Variants in ADAMTSL1 observed in about 807,000 individuals in gnomAD.
The protein encoded by ADAMTSL1 is ADAMTS like 1.
A neutral mutation model predicts 201.8 loss-of-function variants in ADAMTSL1; 126 were observed. The ratio of observed to expected loss-of-function variants is 0.62; its 90% confidence interval spans 0.54 to 0.72. ADAMTSL1 has a LOEUF of 0.72. Ranked by LOEUF, ADAMTSL1 falls within the 30% of genes least tolerant of loss-of-function variation. ADAMTSL1 has a pLI of 0.00. For missense variants in ADAMTSL1, 2,679 were observed against 2,277.8 expected, an observed-to-expected ratio of 1.18 and a Z score of -3.59; for synonymous variants, 1,121 against 903.4, an observed-to-expected ratio of 1.24 and a Z score of -4.32.
At chr9:17,956,178 A>T in intron 1 of ADAMTSL1, among the ~76,000 whole-genome samples, 1 of 152,164 alleles carries the variant, frequency 6.6e-6, no homozygotes, top group Admixed American at 6.6e-5. Flanking sequence ...CTTACCTTGT[A>T]GTGCTTTTTG....
intron 17 of ADAMTSL1, among the ~76,000 whole-genome samples, chr9:18,771,330 T>C (rs1246752603): frequency 6.6e-6 from 1 of 152,240 alleles, no homozygotes; most frequent in African/African-American, 2.4e-5. Context: ...ATTTCCCTTG[T>C]TGTCCTGCAC....
Position 18,744,885 on chromosome 9 carries a change from G to A in ADAMTSL1, c.2007-8413G>A, listed in dbSNP as rs545379725. ...GTTACTTTGTAAAACGTCTCTCCAT[G>A]TGTGTTTGCTTGATGTTTTCTTGTG... On this transcript the variant is annotated intron_variant, in intron 15 of 28. Coordinates refer to ENST00000380548, the MANE Select transcript of ADAMTSL1 (RefSeq NM_001040272.6). 2.6e-4 allele frequency among the ~76,000 whole-genome samples: 39 copies of A among 152,266 alleles called. 1 individual carries two copies. In the South Asian group the frequency reaches 7.9e-3, roughly 31 times the overall value.
chr9:18,779,058 A>G (rs113497459), intron 19 of ADAMTSL1, among the ~76,000 whole-genome samples: 141 of 152,356 alleles, frequency 9.3e-4, no homozygotes, highest in African/African-American at 3.3e-3. Flanking sequence ...CACTATGCCA[A>G]GTTTATTTAT....
intron 2 of ADAMTSL1, among the ~76,000 whole-genome samples, chr9:18,191,307 C>A (rs1828958814): frequency 6.6e-6 from 1 of 152,166 alleles, no homozygotes; most frequent in African/African-American, 2.4e-5. Flanking sequence ...TGCTTCAGCA[C>A]TCCAGAGCTC....
chr9:18,590,174 G>T (rs73431683), intron 4 of ADAMTSL1, among the ~76,000 whole-genome samples: 2,442 of 152,068 alleles, frequency 0.016, 35 homozygotes, highest in African/African-American at 0.044. Flanking sequence ...GTGTGACTTT[G>T]ATGGAAGACC....
intron 23 of ADAMTSL1, among the ~76,000 whole-genome samples, chr9:18,851,784 G>A (rs543279825): frequency 1.3e-5 from 2 of 152,138 alleles, no homozygotes; most frequent in Non-Finnish European, 2.9e-5. Context: ...CACTTGAGGC[G>A]TTTTTCCCTT....
intron 21 of ADAMTSL1, among the ~76,000 whole-genome samples, chr9:18,821,447 CT>C (rs1457601437): frequency 6.6e-6 from 1 of 152,116 alleles, no homozygotes; most frequent in East Asian, 1.9e-4. Context: ...GTTGAGAAGG[CT>C]TTTAAGGGCC....
At chr9:18,626,110 T>G (rs2132699987) in intron 5 of ADAMTSL1, among the ~76,000 whole-genome samples, 1 of 152,324 alleles carries the variant, frequency 6.6e-6, no homozygotes, top group East Asian at 1.9e-4. Context: ...CTTTGGGCTA[T>G]CCTCACAAGC....
At position 17,907,202 on chromosome 9, in the gene ADAMTSL1, CG is replaced by C. The variant is rs1825750768; in HGVS notation, c.87+284del. 2.0e-5 allele frequency among the ~76,000 whole-genome samples: 3 copies of C among 152,308 alleles called. No individual in the cohort carries two copies. The South Asian group carries it at 6.2e-4, about 32-fold the overall frequency. The stretch of plus-strand genomic sequence containing the variant: ...GGTCCTGCTTCCAGCCAGGCAGAGC[CG>C]GGGCGAGAAGGCGGCGCCTGAGCTG... On this transcript the variant is annotated intron_variant, in intron 1 of 29. Transcript: ENST00000680146.
intron 4 of ADAMTSL1, among the ~76,000 whole-genome samples, chr9:18,607,873 C>T (rs1158071464): frequency 6.6e-6 from 1 of 152,086 alleles, no homozygotes; most frequent in African/African-American, 2.4e-5. Flanking sequence ...TGTTGGTTTC[C>T]AGCTTCATCC....
chr9:18,532,708 C>T (rs1819521008), intron 2 of ADAMTSL1, among the ~76,000 whole-genome samples: 1 of 151,400 alleles, frequency 6.6e-6, no homozygotes. Context: ...CTACAGGGGA[C>T]TTCTTTTTTT....
intron 20 of ADAMTSL1, among the ~76,000 whole-genome samples, chr9:18,800,865 G>T (rs1822750099): frequency 6.6e-6 from 1 of 152,182 alleles, no homozygotes; most frequent in Admixed American, 6.5e-5. Context: ...AACATGCGAA[G>T]AATTTGTGGC....
chr9:18,760,340 G>T (rs979040479), intron 16 of ADAMTSL1, among the ~76,000 whole-genome samples: 2 of 151,812 alleles, frequency 1.3e-5, no homozygotes, highest in Admixed American at 6.6e-5. Flanking sequence ...TGATCTCCTT[G>T]TCTCATCTTG....
At chr9:18,721,256 T>A (rs1314301135) in intron 14 of ADAMTSL1, among the ~76,000 whole-genome samples, 1 of 152,216 alleles carries the variant, frequency 6.6e-6, no homozygotes, top group African/African-American at 2.4e-5. Context: ...GGCATTTTTT[T>A]AAGCATTTCA....
At chr9:18,158,544 C>G (rs551205803) in intron 1 of ADAMTSL1, among the ~76,000 whole-genome samples, 3 of 151,912 alleles carry the variant, frequency 2.0e-5, no homozygotes. Context: ...TATTAATTCC[C>G]TTTCAAAAAC....
intron 1 of ADAMTSL1, among the ~76,000 whole-genome samples, chr9:18,067,502 A>C (rs1411245): frequency 0.015 from 2,247 of 152,266 alleles, 66 homozygotes; most frequent in South Asian, 0.05. Flanking sequence ...TTGTGCTCTT[A>C]CTGTGTTTAG....
intron 1 of ADAMTSL1, among the ~76,000 whole-genome samples, chr9:18,069,890 C>G (rs1822880436): frequency 6.6e-6 from 1 of 152,128 alleles, no homozygotes; most frequent in Non-Finnish European, 1.5e-5. Flanking sequence ...CTATTTAGAA[C>G]ATATATTATG....
At chr9:18,714,905 C>G (rs1279178149) in intron 14 of ADAMTSL1, among the ~76,000 whole-genome samples, 2 of 149,420 alleles carry the variant, frequency 1.3e-5, no homozygotes, top group East Asian at 2.0e-4. Context: ...CCACCATGAT[C>G]AAGTGGGCTT....
chr9:18,772,370 A>C (rs1820744632), intron 17 of ADAMTSL1, among the ~76,000 whole-genome samples: 1 of 152,166 alleles, frequency 6.6e-6, no homozygotes, highest in Non-Finnish European at 1.5e-5. Flanking sequence ...AGATTCAGAA[A>C]ATGTTCTTTT....
Sources: allele counts gnomAD v4.1 joint callset (sites outside exome capture counted in the v4.1 genomes callset), GRCh38; gene constraint gnomAD v4.1.1; transcripts MANE v1.5; gene names NCBI Gene and HGNC (gene_info 2026-07-23, HGNC 2026-07-21).